Variants in DSCAM observed in about 807,000 individuals in gnomAD.
DSCAM encodes the protein DS cell adhesion molecule, also known as cell adhesion molecule DSCAM.
Under a neutral mutation model 217.7 loss-of-function variants are expected in DSCAM, and 47 were observed. The ratio of observed to expected loss-of-function variants is 0.22; its 90% CI spans 0.17 to 0.28. The LOEUF (loss-of-function observed/expected upper bound fraction) is 0.28. DSCAM is among the 10% of genes least tolerant of loss of function. The pLI, the probability that DSCAM is intolerant of heterozygous loss-of-function variation, is 1.00. For synonymous variants in DSCAM, 1,056 were observed against 1,015.3 expected, an observed-to-expected ratio of 1.04 and a Z score of -0.76; for missense variants, 2,080 against 2,618.3, an observed-to-expected ratio of 0.79 and a Z score of 4.49.
chr21:40,411,821 G>C (rs1473633076), intron 3 of DSCAM, among the ~76,000 whole-genome samples: 1 of 152,080 alleles, frequency 6.6e-6, no homozygotes, highest in Non-Finnish European at 1.5e-5. Flanking sequence ...AAACACCTTA[G>C]ACTAGTTTCT....
chr21:40,496,346 G>A (rs2076118438), intron 3 of DSCAM, among the ~76,000 whole-genome samples: 2 of 151,988 alleles, frequency 1.3e-5, no homozygotes, highest in African/African-American at 2.4e-5. Context: ...ACAGAATACA[G>A]AATAAAGAGC....
chr21:40,489,667 C>T (rs7510285), intron 3 of DSCAM, among the ~76,000 whole-genome samples: 13,250 of 142,606 alleles, frequency 0.093, 685 homozygotes, highest in Middle Eastern at 0.18. Context: ...CCCAGCTACT[C>T]GGGAGGCTGA....
chr21:40,614,794 G>A (rs990067844), intron 3 of DSCAM, among the ~76,000 whole-genome samples: 5 of 152,112 alleles, frequency 3.3e-5, no homozygotes, highest in East Asian at 3.9e-4. Flanking sequence ...AGGTCGATGT[G>A]GTATCAATGA....
chr21:40,462,941 A>C (rs1224657577), intron 3 of DSCAM, among the ~76,000 whole-genome samples: 1 of 152,156 alleles, frequency 6.6e-6, no homozygotes, highest in Non-Finnish European at 1.5e-5. Context: ...AGAAATGTTA[A>C]TCTTATTTTT....
chr21:40,095,328 G>T (rs1440703058), intron 20 of DSCAM, among the ~76,000 whole-genome samples: 1 of 152,162 alleles, frequency 6.6e-6, no homozygotes, highest in East Asian at 1.9e-4. Flanking sequence ...TTTGGCTGGG[G>T]ACATGGAGCC....
At position 40,793,056 on chromosome 21, in the gene DSCAM, T is replaced by C. The variant is rs1049149287; in HGVS notation, c.43+53563A>G. Among the ~76,000 whole-genome samples, 7 of 152,350 alleles carry C rather than the reference T, an allele frequency of 4.6e-5. No individual in the cohort carries two copies. The East Asian group carries it at 1.3e-3, about 29-fold the overall frequency. ...ATAATTTCCTGAGACATTTGCTTTT[T>C]TTCTATACATAATAGAAAGAACTCA... On this transcript the variant is annotated intron_variant, in intron 1 of 32. Coordinates refer to ENST00000400454, the MANE Select transcript of DSCAM (RefSeq NM_001389.5).
intron 32 of DSCAM, among the ~76,000 whole-genome samples, chr21:40,037,172 TAGGC>T (rs1299294881): frequency 6.8e-6 from 1 of 148,010 alleles, no homozygotes; most frequent in East Asian, 1.9e-4. Context: ...CCAGGGCAAT[TAGGC>T]AGGAGAAGGA....
At position 40,195,348 on chromosome 21, in the gene DSCAM, A is replaced by G. The variant is rs570773302; in HGVS notation, c.2357-6110T>C. On this transcript the variant is annotated intron_variant, in intron 11 of 32. Coordinates refer to ENST00000400454, the MANE Select transcript of DSCAM (RefSeq NM_001389.5). ...GTTCTGCTGAAAAGAAAACAGATTG[A>G]AAAGAAAACAACTGAAAAGAAAACA... Among the ~76,000 whole-genome samples the G allele has an allele frequency of 2.6e-4, 40 of 152,324 alleles. No homozygotes were observed. The South Asian group carries it at 6.8e-3, about 26-fold the overall frequency.
chr21:40,773,903 A>T (rs1381613818), intron 1 of DSCAM, among the ~76,000 whole-genome samples: 6 of 152,220 alleles, frequency 3.9e-5, no homozygotes, highest in Non-Finnish European at 8.8e-5. Context: ...AACTGTTTGG[A>T]AAGTCCAGAT....
chr21:40,089,952 T>TAAGA (rs1477236933), intron 21 of DSCAM, among the ~76,000 whole-genome samples: 21 of 152,286 alleles, frequency 1.4e-4, no homozygotes, highest in Middle Eastern at 3.4e-3. Context: ...CTGTCAGCAC[T>TAAGA]CCCTGCTGGT....
intron 11 of DSCAM, among the ~76,000 whole-genome samples, chr21:40,266,306 C>T (rs537628130): frequency 1.3e-5 from 2 of 152,132 alleles, no homozygotes; most frequent in South Asian, 4.2e-4. Context: ...TGAGATACGA[C>T]CTTCCCCTAG....
chr21:40,512,230 A>C (rs2837668), intron 3 of DSCAM, among the ~76,000 whole-genome samples: 1 of 151,948 alleles, frequency 6.6e-6, no homozygotes, highest in Admixed American at 6.6e-5. Context: ...TCCTGAGTGA[A>C]CCTTGTTCTT....
chr21:40,138,712 GTGTGGTGTGTATGTA>G (rs1254414516), intron 18 of DSCAM, among the ~76,000 whole-genome samples: 1 of 146,194 alleles, frequency 6.8e-6, no homozygotes, highest in Non-Finnish European at 1.5e-5. Context: ...TGTGTGGTGT[GTGTGGTGTGTATGTA>G]TGTGGTGTGC....
intron 2 of DSCAM, among the ~76,000 whole-genome samples, chr21:40,701,902 G>C (rs2090660613): frequency 6.6e-6 from 1 of 152,048 alleles, no homozygotes; most frequent in African/African-American, 2.4e-5. Flanking sequence ...ATATTGTGCT[G>C]TTGTTGGATA....
chr21:40,546,450 C>T (rs1301424130), intron 3 of DSCAM, among the ~76,000 whole-genome samples: 1 of 152,228 alleles, frequency 6.6e-6, no homozygotes, highest in Non-Finnish European at 1.5e-5. Flanking sequence ...AGCCACTTCC[C>T]TGCCTTTTGA....
In DSCAM at chr21:40,189,180, C is replaced by A; in HGVS notation, c.2415G>T (p.Lys805Asn). The change falls in exon 12 of 33, where the codon AAG becomes AAT. Residue 805 changes from lysine to asparagine, a missense_variant. Lys to Asn is a moderately conservative substitution (Grantham distance 94). Around this residue, in one of 5 missense-constraint regions of DSCAM, gnomAD observed 1,144 missense variants for 1,421.1 expected, o/e 0.81. Transcript: ENST00000400454. Reference sequence around the variant, plus strand: ...CACCATGCGCCGTGCAGCTCATCTCCTTTTTCTGCCCCTGCGTGGCCAGGG... The same window carrying A: ...CACCATGCGCCGTGCAGCTCATCTCATTTTTCTGCCCCTGCGTGGCCAGGG... Reference protein sequence around the residue: ...NTTLATQGQKKEMSCTAHGEK... With the variant: ...NTTLATQGQKNEMSCTAHGEK... 1.2e-6 allele frequency: 2 copies of A among 1,613,362 alleles called. No homozygotes were observed. The highest frequency in any genetic ancestry group is 3.3e-4 in the Middle Eastern group (2 of 6,052).
chr21:40,194,362 T>G (rs553143020), intron 11 of DSCAM, among the ~76,000 whole-genome samples: 59 of 152,294 alleles, frequency 3.9e-4, no homozygotes, highest in African/African-American at 1.3e-3. Context: ...GGCATGACCT[T>G]TTCACTTGTC....
intron 1 of DSCAM, among the ~76,000 whole-genome samples, chr21:40,732,850 G>A (rs17000256): frequency 0.03 from 4,561 of 152,206 alleles, 213 homozygotes; most frequent in African/African-American, 0.1. Context: ...CCAGCACCAC[G>A]GATATGATGA....
intron 30 of DSCAM, among the ~76,000 whole-genome samples, chr21:40,044,769 C>T (rs746533832): frequency 3.3e-5 from 5 of 152,136 alleles, no homozygotes; most frequent in African/African-American, 4.8e-5. Flanking sequence ...TGTTATGACC[C>T]GATGCACATC....
Sources: gnomAD v4.1 joint callset for allele counts (sites outside exome capture counted in the v4.1 genomes callset) on GRCh38, gnomAD v4.1.1 for gene constraint, gnomAD v4.1.1 regional missense constraint, MANE v1.5 for transcripts, NCBI Gene and HGNC (gene_info 2026-07-23, HGNC 2026-07-21) for gene names.